Variants in HIP1 observed in about 807,000 individuals in gnomAD.
HIP1 encodes huntingtin interacting protein 1.
A neutral mutation model predicts 147.6 loss-of-function variants in HIP1; 65 were observed. That is an observed-to-expected ratio of 0.44 (90% CI 0.36 to 0.54). HIP1 has a LOEUF of 0.54. Ranked by LOEUF, HIP1 falls within the 20% of genes least tolerant of loss-of-function variation. HIP1 has a pLI of 0.00. For missense variants in HIP1, 1,061 were observed against 1,299.6 expected, an observed-to-expected ratio of 0.82 and a Z score of 2.82; for synonymous variants, 479 against 504.0, an observed-to-expected ratio of 0.95 and a Z score of 0.67.
chr7:75,565,877 C>T (rs1450351084), intron 9 of HIP1, among the ~76,000 whole-genome samples: 1 of 145,016 alleles, frequency 6.9e-6, no homozygotes, highest in South Asian at 2.1e-4. Context: ...GATTACAGGG[C>T]TAATTTTTGT....
chr7:75,645,101 G>A (rs570289942), intron 1 of HIP1, among the ~76,000 whole-genome samples: 2 of 152,246 alleles, frequency 1.3e-5, no homozygotes, highest in African/African-American at 4.8e-5. Context: ...GGGAGAGGGG[G>A]CACTGTGTCA....
At chr7:75,639,679 G>A (rs1195810126) in intron 1 of HIP1, among the ~76,000 whole-genome samples, 2 of 151,918 alleles carry the variant, frequency 1.3e-5, no homozygotes, top group African/African-American at 4.8e-5. Flanking sequence ...GTGAGCAGGG[G>A]AGGTGGTGAA....
chr7:75,662,427 C>G (rs887694706), intron 1 of HIP1, among the ~76,000 whole-genome samples: 10 of 152,192 alleles, frequency 6.6e-5, no homozygotes, highest in African/African-American at 2.4e-4. Flanking sequence ...ATCCTCCTAC[C>G]TGGGACTCCC....
chr7:75,561,286 G>A (rs371159797), intron 13 of HIP1, 43 bp downstream of exon 13: 21 of 1,296,328 alleles, frequency 1.6e-5, no homozygotes, highest in African/African-American at 8.8e-5. Flanking sequence ...CAAATCTACC[G>A]TGTTTTGGTG....
At chr7:75,586,214 T>C (rs76812450) in intron 5 of HIP1, among the ~76,000 whole-genome samples, 2 of 151,834 alleles carry the variant, frequency 1.3e-5, no homozygotes, top group Non-Finnish European at 2.9e-5. Context: ...TTTTTTTTTT[T>C]GAGACAGAGT....
chr7:75,602,494 CTTTTTTTTTTTTTT>C (rs60265858), intron 1 of HIP1, among the ~76,000 whole-genome samples: 3 of 71,502 alleles, frequency 4.2e-5, no homozygotes, highest in African/African-American at 7.6e-5. Context: ...CAGATATGCT[CTTTTTTTTTTTTTT>C]TTTTTTTTTT....
At chr7:75,623,210 CAAAA>C (rs34787591) in intron 1 of HIP1, among the ~76,000 whole-genome samples, 4 of 83,020 alleles carry the variant, frequency 4.8e-5, no homozygotes, top group Admixed American at 1.6e-4. Flanking sequence ...AAAAAAAAAG[CAAAA>C]AAAAAAAAAA....
At chr7:75,570,516 C>A (rs1189110709) in intron 8 of HIP1, among the ~76,000 whole-genome samples, 3 of 150,836 alleles carry the variant, frequency 2.0e-5, no homozygotes, top group East Asian at 4.0e-4. Flanking sequence ...TGGTCTCGAT[C>A]TCCTGACCTC....
rs1014254822 is a variant in HIP1, at chr7:75,557,564, A to C, written c.1581+90T>G. The stretch of plus-strand genomic sequence containing the variant: ...CTGTGTGATGCCAACCGACCCACAG[A>C]ACTGCCCATGGAGCAGAAGGCCACA... On this transcript the variant is annotated intron_variant, in intron 16 of 30. Coordinates refer to ENST00000336926, the MANE Select transcript of HIP1 (RefSeq NM_005338.7). 2.4e-5 allele frequency: 22 copies of C among 919,134 alleles called. No individual in the cohort carries two copies. In the African/African-American group the frequency reaches 3.4e-4, roughly 14 times the overall value. The allele number at this position is 919,134 out of a possible 1,614,324, so 56.9% of individuals were successfully genotyped here.
intron 1 of HIP1, among the ~76,000 whole-genome samples, chr7:75,734,741 C>T (rs1801962924): frequency 6.6e-6 from 1 of 152,158 alleles, no homozygotes; most frequent in African/African-American, 2.4e-5. Context: ...TGAGTCTCCA[C>T]TGCACCCGCT....
intron 4 of HIP1, among the ~76,000 whole-genome samples, chr7:75,588,613 C>T (rs587712769): frequency 9.9e-5 from 15 of 151,744 alleles, no homozygotes; most frequent in Non-Finnish European, 2.1e-4. Flanking sequence ...CGAAAACCTG[C>T]GTCTACAAAA....
chr7:75,563,092 A>G lies in HIP1; in HGVS notation c.880-17T>C, dbSNP rs1457459532. 6.2e-7 allele frequency: 1 copy of G among 1,614,008 alleles called. No homozygotes were observed. ...GGGTGGGTTCTGAAGACGGAGACACATCCTCAAATAGTGCTTGCTTGCCAG... is the reference window on the plus strand; with the variant it reads ...GGGTGGGTTCTGAAGACGGAGACACGTCCTCAAATAGTGCTTGCTTGCCAG... On this transcript the variant is annotated splice_polypyrimidine_tract_variant and intron_variant, in intron 10 of 30. Coordinates refer to ENST00000336926, the MANE Select transcript of HIP1 (RefSeq NM_005338.7).
chr7:75,537,742 A>G lies in HIP1; in HGVS notation c.*430T>C, dbSNP rs1003095990. ...TGATGAAACTGAAAAGACTGAGAAG[A>G]AAACAGAAAAGAAAAGGCATAAGAT... On this transcript the variant is annotated 3_prime_UTR_variant, in exon 31 of 31. Transcript: ENST00000336926. 2.3e-5 allele frequency: 6 copies of G among 255,446 alleles called. No individual in the cohort carries two copies. The highest frequency in any genetic ancestry group is 1.3e-4 in the African/African-American group (6 of 45,758). The allele number at this position is 255,446 out of a possible 1,614,324, so 15.8% of individuals were successfully genotyped here.
chr7:75,533,976 C>T lies in HIP1; in HGVS notation c.*4196G>A, dbSNP rs936891505. ...CCAATGTTGGAACTGGAGGCTTTCC[C>T]TGGCAGGATTTCCAGAGATTTGGAA... On this transcript the variant is annotated 3_prime_UTR_variant, in exon 31 of 31. Transcript: ENST00000336926. 2.2e-5 allele frequency: 5 copies of T among 232,210 alleles called. No individual in the cohort carries two copies. Among genetic ancestry groups the T allele is most frequent in the Non-Finnish European group, 4.3e-5 (5 of 117,512 alleles). The allele number at this position is 232,210 out of a possible 1,614,324, so 14.4% of individuals were successfully genotyped here.
At chr7:75,657,526 C>CAA (rs201991075) in intron 1 of HIP1, among the ~76,000 whole-genome samples, 57 of 66,610 alleles carry the variant, frequency 8.6e-4, no homozygotes, top group African/African-American at 2.2e-3. Context: ...GACTTTGTCT[C>CAA]AAAAAAAAAA....
intron 7 of HIP1, among the ~76,000 whole-genome samples, chr7:75,574,942 C>T (rs1029456826): frequency 6.6e-6 from 1 of 151,996 alleles, no homozygotes; most frequent in East Asian, 1.9e-4. Context: ...GGGGGACTGC[C>T]TGAGCCTGAG....
intron 1 of HIP1, among the ~76,000 whole-genome samples, chr7:75,610,205 T>C (rs1339754184): frequency 2.9e-5 from 2 of 69,972 alleles, no homozygotes; most frequent in Non-Finnish European, 2.2e-5. Context: ...ATCCAGCCCT[T>C]TTTTTTTTTT....
At chr7:75,571,981 G>A (rs1311400281) in intron 8 of HIP1, among the ~76,000 whole-genome samples, 2 of 152,116 alleles carry the variant, frequency 1.3e-5, no homozygotes, top group Non-Finnish European at 2.9e-5. Flanking sequence ...AGGCTGAGGT[G>A]GGCGGATCAC....
rs964916989 is a variant in HIP1, at chr7:75,535,406, A to G, written c.*2766T>C. 3.3e-5 allele frequency: 6 copies of G among 184,044 alleles called. No homozygotes were observed. The highest frequency in any genetic ancestry group is 1.4e-4 in the African/African-American group (6 of 42,424). 11.4% of individuals were successfully genotyped at this position (184,044 alleles called of 1,614,324 possible). The stretch of plus-strand genomic sequence containing the variant: ...GGTCTCACTCTGTCACCCAGGCCGG[A>G]GTGCACTGGCACAATCAGGGCTGAC... On this transcript the variant is annotated 3_prime_UTR_variant, in exon 31 of 31. Transcript: ENST00000336926.
Sources: gnomAD v4.1 joint callset for allele counts (sites outside exome capture counted in the v4.1 genomes callset) on GRCh38, gnomAD v4.1.1 for gene constraint, MANE v1.5 for transcripts, NCBI Gene and HGNC (gene_info 2026-07-23, HGNC 2026-07-21) for gene names.